ZFHX3: variants seen among roughly 807,000 people sequenced by gnomAD.
ZFHX3 encodes zinc finger homeobox 3.
A neutral mutation model predicts 279.1 loss-of-function variants in ZFHX3; 42 were observed. The ratio of observed to expected loss-of-function variants is 0.15; its 90% CI spans 0.12 to 0.19. The LOEUF is 0.19. Among genes scored for constraint, ZFHX3 ranks in the 10% least tolerant of loss-of-function variants. ZFHX3 has a pLI of 1.00. For synonymous variants in ZFHX3, 2,293 were observed against 1,957.8 expected, an observed-to-expected ratio of 1.17 and a Z score of -4.52; for missense variants, 4,981 against 4,754.0, an observed-to-expected ratio of 1.05 and a Z score of -1.40.
chr16:73,588,226 A>G (rs975895803), intron 2 of ZFHX3, among the ~76,000 whole-genome samples: 1 of 152,218 alleles, frequency 6.6e-6, no homozygotes, highest in Non-Finnish European at 1.5e-5. Context: ...ATGCTGAACT[A>G]TATTTTAAAA....
At chr16:73,293,329 T>C (rs908827110) in intron 4 of ZFHX3, among the ~76,000 whole-genome samples, 2 of 152,160 alleles carry the variant, frequency 1.3e-5, no homozygotes, top group African/African-American at 2.4e-5. Context: ...AAGCCCTTCA[T>C]GAAGCACCCA....
chr16:72,887,364 T>A (rs78570799), intron 4 of ZFHX3, among the ~76,000 whole-genome samples: 3,795 of 152,156 alleles, frequency 0.025, 64 homozygotes, highest in East Asian at 0.096. Flanking sequence ...AAACAATAAG[T>A]TGTACAAGAA....
intron 2 of ZFHX3, among the ~76,000 whole-genome samples, chr16:73,583,623 GT>G (rs2051884823): frequency 6.6e-6 from 1 of 152,210 alleles, no homozygotes; most frequent in Non-Finnish European, 1.5e-5. Flanking sequence ...AGTTCTACTT[GT>G]ATAGGCAAGG....
chr16:72,855,317 G>A (rs189074569), intron 4 of ZFHX3, among the ~76,000 whole-genome samples: 106 of 152,324 alleles, frequency 7.0e-4, no homozygotes, highest in African/African-American at 2.4e-3. Context: ...GCTGGAGCGC[G>A]TGCACGCGTG....
chr16:73,547,700 A>G (rs2020143483), intron 2 of ZFHX3, among the ~76,000 whole-genome samples: 2 of 152,096 alleles, frequency 1.3e-5, no homozygotes, highest in South Asian at 4.2e-4. Context: ...TTTAAACCTG[A>G]CTCAAGAGAG....
chr16:73,786,800 G>C (rs771521066), intron 1 of ZFHX3, among the ~76,000 whole-genome samples: 8 of 152,024 alleles, frequency 5.3e-5, no homozygotes, highest in Non-Finnish European at 8.8e-5. Flanking sequence ...GAGTCCAGAG[G>C]ATCGACTGTC....
At chr16:73,335,516 A>G (rs2080075347) in intron 3 of ZFHX3, among the ~76,000 whole-genome samples, 1 of 152,196 alleles carries the variant, frequency 6.6e-6, no homozygotes, top group Admixed American at 6.5e-5. Flanking sequence ...CCACGGCTTT[A>G]TAGTTAAAGC....
intron 4 of ZFHX3, 152 bp from the exon 5 acceptor site, chr16:72,830,011 A>G: frequency 1.3e-6 from 1 of 764,708 alleles, no homozygotes; most frequent in Non-Finnish European, 2.1e-6. Flanking sequence ...TGACGGTGCT[A>G]AGGATATACT....
chr16:72,787,504 G>A lies in ZFHX3; in HGVS notation c.10772C>T (p.Ala3591Val). 1 of 1,613,902 alleles carries A rather than the reference G, an allele frequency of 6.2e-7. No individual in the cohort carries two copies. Among genetic ancestry groups the A allele is most frequent in the Non-Finnish European group, 8.5e-7 (1 of 1,179,920 alleles). ...PSTASTSQSAAHSNDSPPPPS... is the reference protein window; with the variant it reads ...PSTASTSQSAVHSNDSPPPPS... ...GGGAGGGGGGCTGTCGTTTGAGTGA[G>A]CGGCAGACTGCGAGGTAGATGCGGT... Residue 3591 changes from alanine to valine, a missense_variant, in exon 10 of 10, where the codon GCT becomes GTT. Coordinates refer to ENST00000268489, the MANE Select transcript of ZFHX3 (RefSeq NM_006885.4).
intron 5 of ZFHX3, among the ~76,000 whole-genome samples, chr16:73,172,988 G>GTTT (rs1296855983): frequency 4.5e-4 from 21 of 46,160 alleles, no homozygotes; most frequent in African/African-American, 1.4e-3. Flanking sequence ...TGATGGGACT[G>GTTT]TTTTTTTGTT....
chr16:73,802,082 C>T (rs750661189), intron 1 of ZFHX3, among the ~76,000 whole-genome samples: 19 of 152,236 alleles, frequency 1.2e-4, no homozygotes, highest in Middle Eastern at 3.4e-3. Context: ...CATCAGTGAC[C>T]GCAGTGATGT....
At chr16:73,189,157 C>A (rs953663895) in intron 5 of ZFHX3, among the ~76,000 whole-genome samples, 2 of 152,172 alleles carry the variant, frequency 1.3e-5, no homozygotes, top group African/African-American at 2.4e-5. Flanking sequence ...CCACCGCGCC[C>A]GCCCACATCT....
chr16:73,292,313 C>T (rs2014792634), intron 4 of ZFHX3, among the ~76,000 whole-genome samples: 1 of 152,040 alleles, frequency 6.6e-6, no homozygotes, highest in Non-Finnish European at 1.5e-5. Context: ...AGGGTGATGG[C>T]TAGGATGTCT....
chr16:72,843,707 C>G (rs1016231584), intron 4 of ZFHX3, among the ~76,000 whole-genome samples: 2 of 152,006 alleles, frequency 1.3e-5, no homozygotes, highest in Admixed American at 1.3e-4. Context: ...GCTGGCTCTG[C>G]GGGAATCTTC....
At chr16:73,847,169 C>T (rs771824355) in intron 1 of ZFHX3, among the ~76,000 whole-genome samples, 4 of 152,094 alleles carry the variant, frequency 2.6e-5, no homozygotes, top group Admixed American at 1.3e-4. Context: ...GGCATGGAGG[C>T]GCAGGCCTGC....
intron 3 of ZFHX3, among the ~76,000 whole-genome samples, chr16:73,444,397 C>T (rs951465525): frequency 1.3e-5 from 2 of 152,124 alleles, no homozygotes; most frequent in Admixed American, 1.3e-4. Context: ...TTTTCTCTAC[C>T]ATTTCTCTCT....
chr16:73,733,005 C>T (rs1027023882), intron 1 of ZFHX3, among the ~76,000 whole-genome samples: 2 of 152,132 alleles, frequency 1.3e-5, no homozygotes, highest in African/African-American at 4.8e-5. Flanking sequence ...TGAAGATCTA[C>T]AGCAGTTTAT....
chr16:73,740,513 T>C (rs1483547575), intron 1 of ZFHX3, among the ~76,000 whole-genome samples: 2 of 152,118 alleles, frequency 1.3e-5, no homozygotes, highest in African/African-American at 4.8e-5. Flanking sequence ...CTTTGGCCCT[T>C]TGCTTCTCAA....
exon 1 of ZFHX3, chr16:73,058,696 TGGCGGC>T (rs552488803): frequency 6.7e-4 from 114 of 169,898 alleles, no homozygotes; most frequent in African/African-American, 1.2e-3. Context: ...GACGCGCTGC[TGGCGGC>T]GGCGGCGGCG....
Sources: gnomAD v4.1 joint callset for allele counts (sites outside exome capture counted in the v4.1 genomes callset) on GRCh38, gnomAD v4.1.1 for gene constraint, MANE v1.5 for transcripts, NCBI Gene and HGNC (gene_info 2026-07-23, HGNC 2026-07-21) for gene names.